Variants in NAA30 observed in about 807,000 individuals in gnomAD.
The protein encoded by NAA30 is N-alpha-acetyltransferase 30.
A neutral mutation model predicts 31.4 loss-of-function variants in NAA30; 5 were observed. The observed-to-expected ratio is 0.16, with a 90% CI of 0.08 to 0.33. The LOEUF (loss-of-function observed/expected upper bound fraction) is 0.33, where lower values mean the gene tolerates loss of function less well. Ranked by LOEUF, NAA30 falls within the 10% of genes least tolerant of loss-of-function variation. The probability of loss-of-function intolerance (pLI) is 1.00; values close to 1 mark genes in which losing one functional copy is unlikely to be tolerated. For missense variants in NAA30, 428 were observed against 490.8 expected (o/e 0.87, Z 1.21); for synonymous variants, 222 against 207.1 (o/e 1.07, Z -0.62).
intron 4 of NAA30, among the ~76,000 whole-genome samples, chr14:57,408,157 AAG>A (rs2066507759): frequency 6.6e-6 from 1 of 152,224 alleles, no homozygotes; most frequent in Non-Finnish European, 1.5e-5. Context: ...AAAGAACAGG[AAG>A]AGACTTATGC....
chr14:57,400,911 T>G, intron 4 of NAA30, among the ~76,000 whole-genome samples: 1 of 151,856 alleles, frequency 6.6e-6, no homozygotes, highest in East Asian at 1.9e-4. Context: ...TTTTTTGTTT[T>G]TGTAGAGATG....
Position 57,413,829 on chromosome 14 carries a change from T to G in NAA30, c.*4313T>G, listed in dbSNP as rs1047051912. ...TTTTTATAAGCAACTTTTAAAAAGT[T>G]TTTTAAAAGATCTCATAAGCATATA... is the stretch of plus-strand genomic sequence containing the variant. On this transcript the variant is annotated 3_prime_UTR_variant, in exon 5 of 5. Transcript: ENST00000556492. The G allele has an allele frequency of 6.6e-6, 1 of 152,208 alleles. No individual in the cohort carries two copies. The highest frequency in any genetic ancestry group is 1.5e-5 in the Non-Finnish European group (1 of 68,054). 9.4% of individuals were successfully genotyped at this position (152,208 alleles called of 1,614,324 possible). A position where few individuals can be genotyped will look rare whatever the true frequency, so the allele number is the denominator to read the frequency against.
At chr14:57,409,292 G>A (rs768190446) in intron 4 of NAA30, 87 bp from the exon 5 acceptor site, 40 of 1,035,708 alleles carry the variant, frequency 3.9e-5, no homozygotes, top group Non-Finnish European at 4.4e-5. Flanking sequence ...TTAAAATAAT[G>A]TATGATTTTT....
At position 57,391,023 on chromosome 14, in the gene NAA30, G is replaced by A. The variant is rs1486388025; in HGVS notation, c.66G>A (p.Ala22=). Residue 22 remains alanine, a synonymous_variant, in exon 2 of 5, where the codon GCG becomes GCA. Coordinates refer to ENST00000556492, the MANE Select transcript of NAA30 (RefSeq NM_001011713.3). The surrounding 1 kb of genome is among the most constrained non-coding windows in gnomAD (Gnocchi z 4.1). ...CACCAGCACCTCCGGCCCCGGCGGC[G>A]GTCGAGCCCCGCTGTCCCTTCCCGG... is the stretch of plus-strand genomic sequence containing the variant. ...LPPPAPPAPA[A]VEPRCPFPAG... is the part of the protein sequence containing the mutation. 2 of 1,496,114 alleles carry A rather than the reference G, an allele frequency of 1.3e-6. No individual in the cohort carries two copies. Among genetic ancestry groups the A allele is most frequent in the Non-Finnish European group, 1.8e-6 (2 of 1,131,108 alleles). 92.7% of individuals were successfully genotyped at this position (1,496,114 alleles called of 1,614,324 possible).
At chr14:57,405,511 G>A (rs560839172) in intron 4 of NAA30, among the ~76,000 whole-genome samples, 1 of 151,958 alleles carries the variant, frequency 6.6e-6, no homozygotes, top group Non-Finnish European at 1.5e-5. Context: ...AATACAGTGG[G>A]GTTAGTTAAG....
intron 4 of NAA30, among the ~76,000 whole-genome samples, chr14:57,406,817 C>T (rs980437815): frequency 1.3e-5 from 2 of 152,042 alleles, no homozygotes; most frequent in East Asian, 3.8e-4. Context: ...TTGTATTGAC[C>T]AGACTGTGGT....
At chr14:57,392,037 C>T (rs537553826) in intron 2 of NAA30, among the ~76,000 whole-genome samples, 2 of 152,220 alleles carry the variant, frequency 1.3e-5, no homozygotes, top group South Asian at 2.1e-4. Context: ...TTTAATTACC[C>T]GCCCGCATCC....
chr14:57,390,989 T>A lies in NAA30; in HGVS notation c.32T>A (p.Leu11His). 6.7e-7 allele frequency: 1 copy of A among 1,493,608 alleles called. No homozygotes were observed. Among genetic ancestry groups the A allele is most frequent in the Non-Finnish European group, 8.9e-7 (1 of 1,129,410 alleles). 92.5% of individuals were successfully genotyped at this position (1,493,608 alleles called of 1,614,324 possible). ...GAGGTACCGCCTGGGCCTAGCAGCC[T>A]CCTCCCACCACCAGCACCTCCGGCC... The part of the protein sequence containing the change: MAEVPPGPSS[L>H]LPPPAPPAPA... Residue 11 changes from leucine (L) to histidine (H), a missense_variant, in exon 2 of 5, where the codon CTC (leucine) becomes CAC (histidine). Physicochemically the swap from Leu to His is moderately conservative, Grantham distance 99. This residue lies in a region of NAA30 where 349 missense variants were observed against 310.4 expected (regional missense o/e 1.12). Coordinates refer to ENST00000556492, the MANE Select transcript of NAA30 (RefSeq NM_001011713.3).
chr14:57,399,841 TA>T lies in NAA30; in HGVS notation c.911del (p.Lys304ArgfsTer21). ...RRNGIGTNLV[K>X]KAIYAMVEGD... The stretch of plus-strand genomic sequence containing the variant: ...TCTATATTCTAGGTACTAACTTGGT[TA>T]AGAAAGCTATATATGCCATGGTTGA... On this transcript the variant is annotated frameshift_variant, in exon 4 of 5. Coordinates refer to ENST00000556492, the MANE Select transcript of NAA30 (RefSeq NM_001011713.3). LOFTEE classifies it high-confidence loss of function. 1 of 1,541,434 alleles carries T rather than the reference TA, an allele frequency of 6.5e-7. No homozygotes were observed. Among genetic ancestry groups the T allele is most frequent in the Non-Finnish European group, 8.9e-7 (1 of 1,117,594 alleles).
Position 57,401,740 on chromosome 14 carries a change from G to A in NAA30, c.951+1857G>A, listed in dbSNP as rs79471328. Reference sequence around the variant, plus strand: ...ATCCTAAGTTACTACTTGTGAGGCAGGCTATGTGCTTTTGTTTAACTGTTC... The same window carrying A: ...ATCCTAAGTTACTACTTGTGAGGCAAGCTATGTGCTTTTGTTTAACTGTTC... On this transcript the variant is annotated intron_variant, in intron 4 of 4. Transcript: ENST00000556492. Among the ~76,000 whole-genome samples the A allele has an allele frequency of 1.9e-3, 290 of 152,264 alleles. 4 individuals carry two copies. The highest frequency in any genetic ancestry group is 6.8e-3 in the African/African-American group (281 of 41,550).
At chr14:57,405,930 A>G (rs922499226) in intron 4 of NAA30, among the ~76,000 whole-genome samples, 1 of 151,410 alleles carries the variant, frequency 6.6e-6, no homozygotes, top group Non-Finnish European at 1.5e-5. Context: ...TTTCACTGTA[A>G]TTTTTTTTTC....
intron 4 of NAA30, among the ~76,000 whole-genome samples, chr14:57,405,710 C>G (rs150838283): frequency 1.1e-3 from 170 of 152,250 alleles, no homozygotes; most frequent in Admixed American, 3.0e-3. Context: ...AAGAGCAGTA[C>G]TGTTTGTTGT....
chr14:57,390,904 G>A, intron 1 of NAA30, 53 bp from the exon 2 acceptor site: 1 of 1,442,698 alleles, frequency 6.9e-7, no homozygotes, highest in African/African-American at 1.5e-5. Flanking sequence ...CCTGTTCTCC[G>A]CGCTCCTCGG....
intron 2 of NAA30, among the ~76,000 whole-genome samples, chr14:57,394,425 G>C (rs2066442411): frequency 6.6e-6 from 1 of 151,964 alleles, no homozygotes; most frequent in Non-Finnish European, 1.5e-5. Flanking sequence ...GGATTTTTCA[G>C]TTCCCATCCT....
At position 57,410,060 on chromosome 14, in the gene NAA30, T is replaced by G. The variant is rs959168309; in HGVS notation, c.*544T>G. ...TAGGGTGGGTATGTCTTACAATGAGTAAAGGTAACAATTAAATTTTGTCTG... is the reference window on the plus strand; with the variant it reads ...TAGGGTGGGTATGTCTTACAATGAGGAAAGGTAACAATTAAATTTTGTCTG... On this transcript the variant is annotated 3_prime_UTR_variant, in exon 5 of 5. Coordinates refer to ENST00000556492, the MANE Select transcript of NAA30 (RefSeq NM_001011713.3). The G allele has an allele frequency of 1.3e-5, 2 of 152,570 alleles. No homozygotes were observed. Among genetic ancestry groups the G allele is most frequent in the African/African-American group, 4.8e-5 (2 of 41,442 alleles). The allele number at this position is 152,570 out of a possible 1,614,324, so 9.5% of individuals were successfully genotyped here. A position where few individuals can be genotyped will look rare whatever the true frequency, so the allele number is the denominator to read the frequency against.
At position 57,396,676 on chromosome 14, in the gene NAA30, GGTT is replaced by G. The variant is rs2066451936; in HGVS notation, c.772-69_772-67del. 8 of 1,497,244 alleles carry G rather than the reference GGTT, an allele frequency of 5.3e-6. No individual in the cohort carries two copies. The East Asian group carries it at 1.8e-4, about 34-fold the overall frequency. 92.7% of individuals were successfully genotyped at this position (1,497,244 alleles called of 1,614,324 possible). ...CCGTCGAAAATGCTTACCAATGGTT[GGTT>G]GTTGTTTTCTCTGGATAATTGTGCA... On this transcript the variant is annotated intron_variant, in intron 2 of 4. Coordinates refer to ENST00000556492, the MANE Select transcript of NAA30 (RefSeq NM_001011713.3).
chr14:57,394,913 T>A (rs1005733231), intron 2 of NAA30, among the ~76,000 whole-genome samples: 1 of 152,158 alleles, frequency 6.6e-6, no homozygotes, highest in Non-Finnish European at 1.5e-5. Flanking sequence ...GCTTATGAGG[T>A]CAGGCCAAAA....
rs534044875 is a variant in NAA30 at position 57,412,810 on chromosome 14, C to G, written c.*3294C>G. The G allele has an allele frequency of 1.3e-5, 2 of 152,066 alleles. No individual in the cohort carries two copies. Among genetic ancestry groups the G allele is most frequent in the Non-Finnish European group, 2.9e-5 (2 of 68,014 alleles). The allele number at this position is 152,066 out of a possible 1,614,324, so 9.4% of individuals were successfully genotyped here. The stretch of plus-strand genomic sequence containing the variant: ...TATGATTGGGTTGTTTTGCTTTTAC[C>G]TACTAAGTAAAACAGCAACAAACAA... On this transcript the variant is annotated 3_prime_UTR_variant, in exon 5 of 5. Transcript: ENST00000556492.
At chr14:57,394,291 T>A (rs557692455) in intron 2 of NAA30, among the ~76,000 whole-genome samples, 1 of 152,200 alleles carries the variant, frequency 6.6e-6, no homozygotes, top group Non-Finnish European at 1.5e-5. Context: ...ATTTAACTTT[T>A]TGGCTTCCTC....
Sources: allele counts gnomAD v4.1 joint callset (sites outside exome capture counted in the v4.1 genomes callset), GRCh38; gene constraint gnomAD v4.1.1; regional missense constraint gnomAD v4.1.1; non-coding constraint Gnocchi (gnomAD v3.1); transcripts MANE v1.5; gene names NCBI Gene and HGNC (gene_info 2026-07-23, HGNC 2026-07-21).